SOCS5: variants seen among roughly 807,000 people sequenced by gnomAD.
SOCS5 encodes the protein suppressor of cytokine signaling 5, also known as CIS-6.
SOCS5 carries 32 observed loss-of-function variants against 42.8 expected under a neutral mutation model. That is an observed-to-expected ratio of 0.75 (90% CI 0.56 to 1.01). The LOEUF (loss-of-function observed/expected upper bound fraction) is 1.01, where lower values mean the gene tolerates loss of function less well. Among genes scored for constraint, SOCS5 ranks in the 50% least tolerant of loss-of-function variants. SOCS5 has a pLI of 0.00. For missense variants in SOCS5, 627 were observed against 653.0 expected (o/e 0.96, Z 0.43); for synonymous variants, 283 against 229.6 (o/e 1.23, Z -2.10).
At chr2:46,751,574 G>T (rs1184435978) in intron 1 of SOCS5, among the ~76,000 whole-genome samples, 1 of 151,892 alleles carries the variant, frequency 6.6e-6, no homozygotes, top group African/African-American at 2.4e-5. Context: ...TCAAGTGAGG[G>T]TTAGATTTTT....
At chr2:46,752,605 A>T (rs1673648478) in intron 1 of SOCS5, among the ~76,000 whole-genome samples, 1 of 152,156 alleles carries the variant, frequency 6.6e-6, no homozygotes, top group Admixed American at 6.6e-5. Flanking sequence ...TTCTTTCTCT[A>T]AGCATTATGT....
At chr2:46,711,530 C>T (rs970650152) in intron 1 of SOCS5, among the ~76,000 whole-genome samples, 1 of 152,214 alleles carries the variant, frequency 6.6e-6, no homozygotes, top group African/African-American at 2.4e-5. Context: ...TTCTTTGACA[C>T]ATAAATGTGT....
intron 1 of SOCS5, among the ~76,000 whole-genome samples, chr2:46,736,921 A>G (rs546087283): frequency 6.6e-6 from 1 of 152,042 alleles, no homozygotes; most frequent in East Asian, 1.9e-4. Context: ...TCCAGTGAAC[A>G]TTTCCTTTGA....
intron 1 of SOCS5, among the ~76,000 whole-genome samples, chr2:46,711,396 A>G (rs1672619824): frequency 6.6e-6 from 1 of 152,132 alleles, no homozygotes; most frequent in South Asian, 2.1e-4. Flanking sequence ...GCATTTTGTC[A>G]TGTGCTTATA....
chr2:46,723,910 C>G (rs576207546), intron 1 of SOCS5, among the ~76,000 whole-genome samples: 6 of 151,884 alleles, frequency 4.0e-5, no homozygotes, highest in Admixed American at 1.3e-4. Context: ...TGTGGTAGCT[C>G]TCTGCTTATT....
At chr2:46,710,872 C>A (rs894093309) in intron 1 of SOCS5, among the ~76,000 whole-genome samples, 1 of 152,308 alleles carries the variant, frequency 6.6e-6, no homozygotes, top group African/African-American at 2.4e-5. Context: ...TGGCTGCAGT[C>A]ACTGTTCTGA....
chr2:46,744,298 C>T (rs925970723), intron 1 of SOCS5, among the ~76,000 whole-genome samples: 6 of 151,986 alleles, frequency 3.9e-5, no homozygotes, highest in African/African-American at 1.4e-4. Flanking sequence ...CCCTTTGATA[C>T]CATTTTTATA....
intron 1 of SOCS5, among the ~76,000 whole-genome samples, chr2:46,710,031 A>C (rs1672581790): frequency 6.6e-6 from 1 of 152,320 alleles, no homozygotes; most frequent in Non-Finnish European, 1.5e-5. Context: ...GCAAGGGTTC[A>C]AGTGATTCTG....
intron 1 of SOCS5, among the ~76,000 whole-genome samples, chr2:46,735,878 T>C (rs139690054): frequency 2.6e-5 from 4 of 152,274 alleles, no homozygotes; most frequent in African/African-American, 7.2e-5. Flanking sequence ...TGCCTCAAAA[T>C]TGACCACACA....
intron 1 of SOCS5, among the ~76,000 whole-genome samples, chr2:46,725,422 CTT>C (rs1672969778): frequency 6.6e-6 from 1 of 151,826 alleles, no homozygotes; most frequent in Non-Finnish European, 1.5e-5. Context: ...TGTTTGTTCT[CTT>C]TGTTTATTGT....
At chr2:46,743,632 A>G (rs1452838665) in intron 1 of SOCS5, among the ~76,000 whole-genome samples, 1 of 152,174 alleles carries the variant, frequency 6.6e-6, no homozygotes, top group Admixed American at 6.5e-5. Context: ...TGCCTTAACC[A>G]TTTAGGAATA....
intron 1 of SOCS5, among the ~76,000 whole-genome samples, chr2:46,712,882 T>C (rs1448585997): frequency 5.9e-5 from 9 of 152,212 alleles, no homozygotes; most frequent in Non-Finnish European, 1.2e-4. Context: ...TTGTTTGTTT[T>C]GGTATCAGAG....
At position 46,760,933 on chromosome 2, in the gene SOCS5, G is replaced by T. The variant is rs530133016; in HGVS notation, c.*792G>T. On this transcript the variant is annotated 3_prime_UTR_variant, in exon 2 of 2. Coordinates refer to ENST00000394861, the MANE Select transcript of SOCS5 (RefSeq NM_144949.3). ...GCAGTCTAATTGTTGTTTCATAAAAGTTGGATCTGTTCCTATGCCCAGGAT... is the reference window on the plus strand; with the variant it reads ...GCAGTCTAATTGTTGTTTCATAAAATTTGGATCTGTTCCTATGCCCAGGAT... 28 of 167,218 alleles carry T rather than the reference G, an allele frequency of 1.7e-4. No individual in the cohort carries two copies. Among genetic ancestry groups the T allele is most frequent in the African/African-American group, 6.7e-4 (28 of 41,570 alleles). 10.4% of individuals were successfully genotyped at this position (167,218 alleles called of 1,614,324 possible). A position where few individuals can be genotyped will look rare whatever the true frequency, so the allele number is the denominator to read the frequency against.
chr2:46,750,505 G>GAA (rs1673600182), intron 1 of SOCS5, among the ~76,000 whole-genome samples: 1 of 151,950 alleles, frequency 6.6e-6, no homozygotes, highest in South Asian at 2.1e-4. Flanking sequence ...AATGTACAGA[G>GAA]AAAAATACAA....
chr2:46,701,187 C>A (rs181513384), intron 1 of SOCS5, among the ~76,000 whole-genome samples: 1 of 152,302 alleles, frequency 6.6e-6, no homozygotes, highest in East Asian at 1.9e-4. Flanking sequence ...CTACATTATT[C>A]ACCTTGAGAA....
chr2:46,752,212 C>A (rs1198263425), intron 1 of SOCS5, among the ~76,000 whole-genome samples: 4 of 151,274 alleles, frequency 2.6e-5, no homozygotes, highest in African/African-American at 4.9e-5. Context: ...AGCTCTACCT[C>A]CTGTCTAGTC....
intron 1 of SOCS5, among the ~76,000 whole-genome samples, chr2:46,730,390 C>CAGGAGTTTA (rs1295878889): frequency 6.6e-6 from 1 of 152,030 alleles, no homozygotes; most frequent in African/African-American, 2.4e-5. Flanking sequence ...TGCTTGAGGC[C>CAGGAGTTTA]AGGAGTTTGA....
intron 1 of SOCS5, among the ~76,000 whole-genome samples, chr2:46,725,704 T>C (rs1176152490): frequency 6.6e-6 from 1 of 152,212 alleles, no homozygotes; most frequent in Non-Finnish European, 1.5e-5. Flanking sequence ...ATTCATTGGA[T>C]GGTTACCATT....
intron 1 of SOCS5, among the ~76,000 whole-genome samples, chr2:46,758,160 A>G (rs1421223041): frequency 6.6e-6 from 1 of 152,272 alleles, no homozygotes; most frequent in Non-Finnish European, 1.5e-5. Flanking sequence ...ATGTGTTTCA[A>G]CAATATGGAA....
Sources: gnomAD v4.1 joint callset for allele counts (sites outside exome capture counted in the v4.1 genomes callset) on GRCh38, gnomAD v4.1.1 for gene constraint, MANE v1.5 for transcripts, NCBI Gene and HGNC (gene_info 2026-07-23, HGNC 2026-07-21) for gene names.